The following CD2BP2 variants were observed in gnomAD, a reference collection of about 807,000 sequenced individuals.
CD2BP2 encodes CD2 cytoplasmic tail binding protein 2, also known as CD2 antigen cytoplasmic tail-binding protein 2.
In CD2BP2, 27 loss-of-function variants were observed where a neutral mutation model predicts 35.9. The ratio of observed to expected loss-of-function variants is 0.75; its 90% CI spans 0.55 to 1.04. The LOEUF is 1.04. CD2BP2 is among the 50% of genes least tolerant of loss of function. CD2BP2 has a pLI of 0.00. For synonymous variants in CD2BP2, 213 were observed against 173.5 expected (o/e 1.23, Z -1.79); for missense variants, 497 against 444.3 (o/e 1.12, Z -1.07).
Position 30,353,391 on chromosome 16 carries a change from G to A in CD2BP2, c.785C>T (p.Thr262Ile), listed in dbSNP as rs34391305. The stretch of plus-strand genomic sequence containing the variant: ...ACCTCCTCTCTGGGTAGGGGTTGGG[G>A]TCTCCAGTTCCTCCTCCGCCAACTC... ...AEELAEEELE[T>I]PTPTQRGEAE... Residue 262 changes from threonine (T) to isoleucine (I), a missense_variant, in exon 5 of 7, where the codon ACC (threonine) becomes ATC (isoleucine). Thr to Ile is a moderately conservative substitution (Grantham distance 89). Transcript: ENST00000305596. The A allele has an allele frequency of 0.016, 25,711 of 1,614,064 alleles. 266 individuals carry two copies. Among genetic ancestry groups the A allele is most frequent in the Non-Finnish European group, 0.019 (22,827 of 1,179,968 alleles).
At chr16:30,354,747 G>C in intron 1 of CD2BP2, 40 bp from the exon 2 acceptor site, 1 of 1,387,984 alleles carries the variant, frequency 7.2e-7, no homozygotes, top group South Asian at 1.2e-5. Flanking sequence ...GGGTGAGGAG[G>C]GGACTCGCCA....
chr16:30,355,031 T>C (rs2049524627), intron 1 of CD2BP2, 181 bp downstream of exon 1: 4 of 277,996 alleles, frequency 1.4e-5, no homozygotes, highest in Admixed American at 4.9e-5. Context: ...TGACCCCCGC[T>C]CTCTACCCTG....
chr16:30,352,484 A>G lies in CD2BP2; in HGVS notation c.*501T>C, dbSNP rs922895991. The G allele has an allele frequency of 6.3e-6, 1 of 159,154 alleles. No individual in the cohort carries two copies. Among genetic ancestry groups the G allele is most frequent in the African/African-American group, 2.4e-5 (1 of 41,496 alleles). 9.9% of individuals were successfully genotyped at this position (159,154 alleles called of 1,614,324 possible). On this transcript the variant is annotated 3_prime_UTR_variant, in exon 7 of 7. Transcript: ENST00000305596. ...AAGGAGCTTGAGAGGGTGAAGCGAG[A>G]GTAAGAGGGTTCCATGCTCACCCCC...
intron 2 of CD2BP2, 123 bp downstream of exon 2, chr16:30,354,481 C>A: frequency 7.3e-7 from 1 of 1,377,448 alleles, no homozygotes; most frequent in Non-Finnish European, 1.0e-6. Context: ...ACCCATTCCT[C>A]AGAGAACCTG....
At position 30,351,854 on chromosome 16, in the gene CD2BP2, G is replaced by C. The variant is rs953241798; in HGVS notation, c.*1131C>G. ...GGGGCTTCCAAAATGCCCAATGCCT[G>C]GGCCACAACCTAGACCAGCTCAATC... On this transcript the variant is annotated 3_prime_UTR_variant, in exon 7 of 7. Transcript: ENST00000305596. 1 of 152,544 alleles carries C rather than the reference G, an allele frequency of 6.6e-6. No individual in the cohort carries two copies. Among genetic ancestry groups the C allele is most frequent in the Middle Eastern group, 3.4e-3 (1 of 296 alleles). 9.4% of individuals were successfully genotyped at this position (152,544 alleles called of 1,614,324 possible).
Position 30,352,811 on chromosome 16 carries a change from C to A in CD2BP2, c.*174G>T. On this transcript the variant is annotated 3_prime_UTR_variant, in exon 7 of 7. Coordinates refer to ENST00000305596, the MANE Select transcript of CD2BP2 (RefSeq NM_006110.3). Reference sequence around the variant, plus strand: ...GTCCAAAGGGACTGTGGAGAAGGCCCCTGGCTTCTGGCCATCAGCACAGCC... The same window carrying A: ...GTCCAAAGGGACTGTGGAGAAGGCCACTGGCTTCTGGCCATCAGCACAGCC... 1 of 607,986 alleles carries A rather than the reference C, an allele frequency of 1.6e-6. No individual in the cohort carries two copies. The highest frequency in any genetic ancestry group is 2.0e-5 in the South Asian group (1 of 50,240). The allele number at this position is 607,986 out of a possible 1,614,324, so 37.7% of individuals were successfully genotyped here.
At chr16:30,354,987 C>A in intron 1 of CD2BP2, 1 of 342,024 alleles carries the variant, frequency 2.9e-6, no homozygotes, top group Non-Finnish European at 5.5e-6. Flanking sequence ...CCAACTCCAG[C>A]CCCCGCAGTC....
intron 2 of CD2BP2, 53 bp from the exon 3 acceptor site, chr16:30,354,375 A>C (rs540380927): frequency 6.3e-7 from 1 of 1,580,166 alleles, no homozygotes; most frequent in Non-Finnish European, 8.6e-7. Context: ...CTACCTCCCC[A>C]AATACTTCCG....
At position 30,353,198 on chromosome 16, in the gene CD2BP2, T is replaced by C. The variant is rs780970940; in HGVS notation, c.898A>G (p.Thr300Ala). The C allele has an allele frequency of 6.2e-7, 1 of 1,613,722 alleles. No individual in the cohort carries two copies. Among genetic ancestry groups the C allele is most frequent in the Admixed American group, 1.7e-5 (1 of 60,010 alleles). Residue 300 changes from threonine (T) to alanine (A), a missense_variant, in exon 6 of 7, where the codon ACC (threonine) becomes GCC (alanine). Transcript: ENST00000305596. ...TGDAELYGPF[T>A]SAQMQTWVSE... ...CAGCTCACCTGCATCTGGGCGCTGG[T>C]GAAGGGCCCATACAGCTCGGCATCC...
intron 1 of CD2BP2, 147 bp downstream of exon 1, chr16:30,355,065 C>G (rs1335440641): frequency 7.3e-6 from 2 of 275,222 alleles, no homozygotes; most frequent in Non-Finnish European, 1.4e-5. Flanking sequence ...TCGCCGGGCC[C>G]CGGCAGACCC....
rs987116532 is a variant in CD2BP2 at position 30,351,894 on chromosome 16, G to A, written c.*1091C>T. On this transcript the variant is annotated 3_prime_UTR_variant, in exon 7 of 7. Transcript: ENST00000305596. ...CCAGCTCAATCTGAATCTCCAAAGA[G>A]ATATTACAGCTCCCCAGGAGACTCC... 1 of 152,314 alleles carries A rather than the reference G, an allele frequency of 6.6e-6. No homozygotes were observed. The highest frequency in any genetic ancestry group is 2.4e-5 in the African/African-American group (1 of 41,462). The allele number at this position is 152,314 out of a possible 1,614,324, so 9.4% of individuals were successfully genotyped here. A position where few individuals can be genotyped will look rare whatever the true frequency, so the allele number is the denominator to read the frequency against.
Position 30,353,971 on chromosome 16 carries a change from T to A in CD2BP2, c.305A>T (p.Asp102Val). 6.2e-7 allele frequency: 1 copy of A among 1,614,148 alleles called. No individual in the cohort carries two copies. Among genetic ancestry groups the A allele is most frequent in the Non-Finnish European group, 8.5e-7 (1 of 1,180,004 alleles). ...LQEEMEEGHF[D>V]ADGNYFLNRD... ...GTTCAGGAAGTAGTTGCCATCGGCA[T>A]CAAAGTGGCCTTCCTCCATCTCCTC... Residue 102 changes from aspartate (D) to valine (V), a missense_variant, in exon 4 of 7, where the codon GAT becomes GTT. Physicochemically the swap from Asp to Val is radical, Grantham distance 152. Transcript: ENST00000305596.
rs766397072 is a variant in CD2BP2, at chr16:30,353,282, C to G, written c.814G>C (p.Glu272Gln). Residue 272 changes from glutamate (E) to glutamine (Q), a missense_variant, in exon 6 of 7, where the codon GAG becomes CAG. Glu to Gln is a conservative substitution (Grantham distance 29, BLOSUM62 2). Transcript: ENST00000305596. ...TCCACCAGACCATCTCCCCGCGACT[C>G]TGCTTCTAAAATAACAGGCAAAGCC... ...TPTPTQRGEA[E>Q]SRGDGLVDVM... 6.2e-7 allele frequency: 1 copy of G among 1,614,032 alleles called. No homozygotes were observed. The highest frequency in any genetic ancestry group is 1.3e-5 in the African/African-American group (1 of 74,914).
rs147941382 is a variant in CD2BP2, at chr16:30,353,564, C to T, written c.612G>A (p.Gly204=). The part of the protein sequence containing the change: ...SSPQRLDRLS[G]LADQMVARGN... ...CCCGGGCCACCATCTGGTCGGCCAA[C>T]CCGGAGAGCCGGTCCAGGCGCTGAG... The change falls in exon 5 of 7, where the codon GGG becomes GGA. Residue 204 remains glycine, a synonymous_variant. Transcript: ENST00000305596. 1,705 of 1,614,218 alleles carry T rather than the reference C, an allele frequency of 1.1e-3. 48 individuals carry two copies. The Admixed American group carries it at 0.025, about 24-fold the overall frequency.
Position 30,350,970 on chromosome 16 carries a change from A to G in CD2BP2, c.*2015T>C, listed in dbSNP as rs2049477217. Reference sequence around the variant, plus strand: ...CCTTCTTGCCATCTTCACAGCCAGAAGCTTCCTTGCTTCATGCGCAGACCC... The same window carrying G: ...CCTTCTTGCCATCTTCACAGCCAGAGGCTTCCTTGCTTCATGCGCAGACCC... On this transcript the variant is annotated 3_prime_UTR_variant, in exon 7 of 7. Coordinates refer to ENST00000305596, the MANE Select transcript of CD2BP2 (RefSeq NM_006110.3). The G allele has an allele frequency of 6.5e-6, 1 of 152,682 alleles. No individual in the cohort carries two copies. The highest frequency in any genetic ancestry group is 2.4e-5 in the African/African-American group (1 of 41,442). 9.5% of individuals were successfully genotyped at this position (152,682 alleles called of 1,614,324 possible). A position where few individuals can be genotyped will look rare whatever the true frequency, so the allele number is the denominator to read the frequency against.
intron 1 of CD2BP2, 154 bp from the exon 2 acceptor site, chr16:30,354,861 G>A (rs1567408244): frequency 1.5e-6 from 1 of 649,972 alleles, no homozygotes; most frequent in South Asian, 1.7e-5. Flanking sequence ...CAGCCAGGAG[G>A]CCTCCAGGAC....
In CD2BP2 at chr16:30,353,635, G is replaced by A. The variant is rs530662800; in HGVS notation, c.541C>T (p.Arg181Ter). 11 of 1,613,462 alleles carry A rather than the reference G, an allele frequency of 6.8e-6. No homozygotes were observed. The highest frequency in any genetic ancestry group is 4.5e-5 in the East Asian group (2 of 44,830). Residue 181 changes from arginine (R) to a stop codon, truncating the protein, a stop_gained, in exon 5 of 7, where the codon CGA (arginine) becomes TGA (stop). Transcript: ENST00000305596. LOFTEE classifies it high-confidence loss of function. ...CCCTTTCTCCCTTTGCCTCCTCCTC[G>A]GGCCCCCAGACGCCTCAGTGCCCCA... ...VAGALRRLGA[R>*]GGGKGRKGPG...
Position 30,352,875 on chromosome 16 carries a change from G to C in CD2BP2, c.*110C>G. The C allele has an allele frequency of 2.8e-6, 2 of 723,418 alleles. No homozygotes were observed. Among genetic ancestry groups the C allele is most frequent in the South Asian group, 1.6e-5 (1 of 62,134 alleles). The allele number at this position is 723,418 out of a possible 1,614,324, so 44.8% of individuals were successfully genotyped here. ...ACAACTAAAGGCTTTTATTGGGAAA[G>C]GGAAATTGACTGAAAAATGGCCTCC... On this transcript the variant is annotated 3_prime_UTR_variant, in exon 7 of 7. Transcript: ENST00000305596.
At position 30,353,570 on chromosome 16, in the gene CD2BP2, G is replaced by A; in HGVS notation, c.606C>T (p.Leu202=). The A allele has an allele frequency of 6.2e-7, 1 of 1,614,166 alleles. No individual in the cohort carries two copies. The highest frequency in any genetic ancestry group is 8.5e-7 in the Non-Finnish European group (1 of 1,180,004). ...CCACCATCTGGTCGGCCAACCCGGA[G>A]AGCCGGTCCAGGCGCTGAGGGGAAC... ...QPSSPQRLDR[L]SGLADQMVAR... is the part of the protein sequence containing the mutation. The change falls in exon 5 of 7, where the codon CTC becomes CTT. Residue 202 remains leucine (L), a synonymous_variant. Transcript: ENST00000305596.
Sources: gnomAD v4.1 joint callset for allele counts on GRCh38, gnomAD v4.1.1 for gene constraint, MANE v1.5 for transcripts, NCBI Gene and HGNC (gene_info 2026-07-23, HGNC 2026-07-21) for gene names.